AOX1: variants seen among roughly 807,000 people sequenced by gnomAD.
AOX1 encodes the protein aldehyde oxidase 1.
AOX1 carries 153 observed loss-of-function variants against 169.5 expected under a neutral mutation model. The observed-to-expected ratio is 0.90, with a 90% confidence interval of 0.79 to 1.03. The LOEUF (loss-of-function observed/expected upper bound fraction) is 1.03. Among genes scored for constraint, AOX1 ranks in the 50% least tolerant of loss-of-function variants. The probability of loss-of-function intolerance (pLI) is 0.00; values close to 1 mark genes in which losing one functional copy is unlikely to be tolerated. For missense variants in AOX1, 1,656 were observed against 1,663.9 expected, an observed-to-expected ratio of 1.00 and a Z score of 0.08; for synonymous variants, 562 against 581.9, an observed-to-expected ratio of 0.97 and a Z score of 0.49.
chr2:200,659,876 G>T, intron 28 of AOX1, 119 bp from the exon 29 acceptor site: 1 of 743,516 alleles, frequency 1.3e-6, no homozygotes, highest in Non-Finnish European at 2.2e-6. Flanking sequence ...CAGGGTTGGT[G>T]TCTTATTTTT....
intron 4 of AOX1, 134 bp from the exon 5 acceptor site, chr2:200,599,486 G>A (rs971542947): frequency 2.2e-5 from 14 of 645,342 alleles, no homozygotes; most frequent in African/African-American, 3.8e-5. Context: ...GATGAGAAGG[G>A]CTCCCAGGGG....
chr2:200,588,083 C>T (rs1349779572), intron 1 of AOX1: 1 of 152,272 alleles, frequency 6.6e-6, no homozygotes, highest in Non-Finnish European at 1.5e-5. Context: ...GTGAGAAGTG[C>T]TAATATAAAA....
At chr2:200,665,292 G>A (rs2035905032) in intron 31 of AOX1, among the ~76,000 whole-genome samples, 1 of 152,206 alleles carries the variant, frequency 6.6e-6, no homozygotes, top group South Asian at 2.1e-4. Context: ...GAGTATAGGA[G>A]GAGACTACAT....
At chr2:200,591,624 T>C (rs908381415) in intron 1 of AOX1, among the ~76,000 whole-genome samples, 3 of 152,206 alleles carry the variant, frequency 2.0e-5, no homozygotes, top group Non-Finnish European at 4.4e-5. Context: ...CATTTTCTGG[T>C]TCCCTCTACC....
chr2:200,586,862 AG>A (rs1441801792), intron 1 of AOX1, among the ~76,000 whole-genome samples: 1 of 152,152 alleles, frequency 6.6e-6, no homozygotes, highest in East Asian at 1.9e-4. Flanking sequence ...GGAGAAGCAA[AG>A]CCCCCTGGGC....
chr2:200,676,116 G>A (rs1184825513), downstream of AOX1, among the ~76,000 whole-genome samples: 1 of 151,730 alleles, frequency 6.6e-6, no homozygotes, highest in Non-Finnish European at 1.5e-5. Flanking sequence ...TGGGATAGAG[G>A]ATTTTCACTT....
intron 29 of AOX1, 99 bp from the exon 30 acceptor site, chr2:200,661,480 T>A: frequency 1.1e-6 from 1 of 927,594 alleles, no homozygotes; most frequent in Non-Finnish European, 1.7e-6. Context: ...CTATTGCTGA[T>A]AGTTTTATTT....
chr2:200,645,694 T>G (rs1213487097), intron 25 of AOX1, among the ~76,000 whole-genome samples: 1 of 152,210 alleles, frequency 6.6e-6, no homozygotes, highest in East Asian at 1.9e-4. Flanking sequence ...TGAATCCTTC[T>G]GGTCCTGGAC....
At chr2:200,655,204 G>A (rs555511438) in intron 26 of AOX1, among the ~76,000 whole-genome samples, 1 of 152,322 alleles carries the variant, frequency 6.6e-6, no homozygotes, top group African/African-American at 2.4e-5. Flanking sequence ...GTGTTGCTAT[G>A]TTGCATTCCG....
At chr2:200,670,549 C>A in intron 34 of AOX1, 80 bp from the exon 35 acceptor site, 1 of 1,253,544 alleles carries the variant, frequency 8.0e-7, no homozygotes, top group Non-Finnish European at 1.2e-6. Flanking sequence ...TGGTGTTTAA[C>A]CTACTTTATG....
intron 26 of AOX1, among the ~76,000 whole-genome samples, chr2:200,655,461 A>G (rs1288871419): frequency 1.3e-5 from 2 of 152,298 alleles, no homozygotes; most frequent in East Asian, 1.9e-4. Context: ...GTCAATAAAC[A>G]GTAAAAAACA....
intron 31 of AOX1, among the ~76,000 whole-genome samples, chr2:200,665,263 C>G (rs1231926360): frequency 6.6e-6 from 1 of 152,216 alleles, no homozygotes; most frequent in Non-Finnish European, 1.5e-5. Flanking sequence ...GCCTACTGGT[C>G]AAACAGGCTG....
At chr2:200,653,142 C>T (rs1047842931) in intron 26 of AOX1, among the ~76,000 whole-genome samples, 1 of 152,170 alleles carries the variant, frequency 6.6e-6, no homozygotes, top group Non-Finnish European at 1.5e-5. Context: ...AGTTACACCA[C>T]GTGGTCTCCC....
intron 22 of AOX1, among the ~76,000 whole-genome samples, chr2:200,637,575 A>G (rs2035260813): frequency 6.6e-6 from 1 of 152,118 alleles, no homozygotes; most frequent in African/African-American, 2.4e-5. Flanking sequence ...ATATGTACAT[A>G]TACATACACA....
chr2:200,650,189 TA>T (rs1198828060), intron 25 of AOX1, among the ~76,000 whole-genome samples: 2 of 152,202 alleles, frequency 1.3e-5, no homozygotes, highest in African/African-American at 4.8e-5. Flanking sequence ...GGAGGAGAAT[TA>T]CATCCTTCCC....
intron 26 of AOX1, among the ~76,000 whole-genome samples, chr2:200,655,529 T>A (rs1018153700): frequency 6.6e-6 from 1 of 152,190 alleles, no homozygotes; most frequent in Non-Finnish European, 1.5e-5. Context: ...TATGCCTTCC[T>A]CAAGAGTCTA....
At chr2:200,620,956 G>A (rs572121977) in intron 17 of AOX1, 137 bp downstream of exon 17, 59 of 1,302,844 alleles carry the variant, frequency 4.5e-5, no homozygotes, top group East Asian at 2.2e-4. Context: ...AAACAGGATC[G>A]AAATGTAGGA....
At chr2:200,681,734 C>A (rs2036153885), downstream of AOX1, among the ~76,000 whole-genome samples, 1 of 152,178 alleles carries the variant, frequency 6.6e-6, no homozygotes, top group Non-Finnish European at 1.5e-5. Flanking sequence ...ACATTCTTGG[C>A]ACCATATCAG....
At chr2:200,616,484 A>G (rs1271688488) in intron 16 of AOX1, among the ~76,000 whole-genome samples, 2 of 152,250 alleles carry the variant, frequency 1.3e-5, no homozygotes, top group African/African-American at 4.8e-5. Flanking sequence ...TGAAAATTCA[A>G]TAATGCTTTT....
Sources: gnomAD v4.1 joint callset for allele counts (sites outside exome capture counted in the v4.1 genomes callset) on GRCh38, gnomAD v4.1.1 for gene constraint, MANE v1.5 for transcripts, NCBI Gene and HGNC (gene_info 2026-07-23, HGNC 2026-07-21) for gene names.